Variants in PELI2 observed in about 807,000 individuals in gnomAD.
PELI2 encodes pellino E3 ubiquitin protein ligase family member 2, also known as E3 ubiquitin-protein ligase pellino homolog 2.
A neutral mutation model predicts 42.3 loss-of-function variants in PELI2; 23 were observed. The observed-to-expected ratio is 0.54, with a 90% CI of 0.39 to 0.77. PELI2 has a LOEUF of 0.77. PELI2 is among the 30% of genes least tolerant of loss of function. The pLI, the probability that PELI2 is intolerant of heterozygous loss-of-function variation, is 0.00. For missense variants in PELI2, 463 were observed against 553.2 expected, an observed-to-expected ratio of 0.84 and a Z score of 1.64; for synonymous variants, 245 against 212.2, an observed-to-expected ratio of 1.15 and a Z score of -1.34.
intron 2 of PELI2, among the ~76,000 whole-genome samples, chr14:56,251,952 T>G (rs919871286): frequency 1.3e-5 from 2 of 152,198 alleles, no homozygotes; most frequent in African/African-American, 4.8e-5. Flanking sequence ...TTCTTTTTTT[T>G]AATAGTGAAG....
intron 1 of PELI2, chr14:56,145,053 C>T (rs147060358): frequency 0.02 from 12,118 of 601,988 alleles, 150 homozygotes; most frequent in Non-Finnish European, 0.024. Context: ...GAAGAACTTC[C>T]TGAGACTAGG....
At chr14:56,242,662 C>A (rs1435708503) in intron 2 of PELI2, among the ~76,000 whole-genome samples, 1 of 152,198 alleles carries the variant, frequency 6.6e-6, no homozygotes, top group Non-Finnish European at 1.5e-5. Flanking sequence ...CCATGGAATA[C>A]TACTCAGCCA....
intron 2 of PELI2, among the ~76,000 whole-genome samples, chr14:56,265,944 A>G (rs1239566084): frequency 2.0e-5 from 3 of 152,088 alleles, no homozygotes; most frequent in Admixed American, 1.3e-4. Context: ...TGACAATTCC[A>G]AAAGTTGGCA....
Position 56,139,447 on chromosome 14 carries a change from G to T in PELI2, c.77+20710G>T, listed in dbSNP as rs545615238. ...AAAGTACCCTGAAGTTTTTTGTTGCGCTATGACAGTTCATTTCTTATTGAA... is the reference window on the plus strand; with the variant it reads ...AAAGTACCCTGAAGTTTTTTGTTGCTCTATGACAGTTCATTTCTTATTGAA... On this transcript the variant is annotated intron_variant, in intron 1 of 5. Transcript: ENST00000267460. 1.7e-3 allele frequency among the ~76,000 whole-genome samples: 259 copies of T among 152,076 alleles called. 1 individual carries two copies. The highest frequency in any genetic ancestry group is 6.2e-3 in the African/African-American group (256 of 41,502).
intron 2 of PELI2, among the ~76,000 whole-genome samples, chr14:56,224,895 C>T (rs1017098871): frequency 1.3e-5 from 2 of 152,088 alleles, no homozygotes; most frequent in Non-Finnish European, 2.9e-5. Flanking sequence ...TCTCTGGGTC[C>T]CCTCCTATTT....
intron 1 of PELI2, among the ~76,000 whole-genome samples, chr14:56,128,625 A>G (rs1883366510): frequency 6.6e-6 from 1 of 152,088 alleles, no homozygotes; most frequent in Non-Finnish European, 1.5e-5. Flanking sequence ...GTGGTAGTAA[A>G]AGCATGGCGA....
intron 2 of PELI2, among the ~76,000 whole-genome samples, chr14:56,244,842 A>G (rs1888096171): frequency 6.6e-6 from 1 of 152,240 alleles, no homozygotes; most frequent in Non-Finnish European, 1.5e-5. Context: ...GCTTAGACAG[A>G]TGGCATATTG....
At chr14:56,140,754 C>A (rs1345748379) in intron 1 of PELI2, among the ~76,000 whole-genome samples, 1 of 152,146 alleles carries the variant, frequency 6.6e-6, no homozygotes, top group Non-Finnish European at 1.5e-5. Context: ...TTTGGTTTAA[C>A]CACAAGATGG....
intron 2 of PELI2, among the ~76,000 whole-genome samples, chr14:56,203,404 A>G (rs568579783): frequency 3.9e-5 from 6 of 152,178 alleles, no homozygotes; most frequent in African/African-American, 1.4e-4. Context: ...CAAAAAAGGT[A>G]TGTTTTTTGC....
At chr14:56,289,996 T>G (rs968625052) in intron 4 of PELI2, among the ~76,000 whole-genome samples, 3 of 152,108 alleles carry the variant, frequency 2.0e-5, no homozygotes, top group Non-Finnish European at 2.9e-5. Flanking sequence ...AAAAAGAATC[T>G]TAGAGGGAGA....
chr14:56,273,382 T>TA lies in PELI2; in HGVS notation c.208-6294_208-6293insA, dbSNP rs1889171937. Among the ~76,000 whole-genome samples, 1 of 152,190 alleles carries TA rather than the reference T, an allele frequency of 6.6e-6. No homozygotes were observed. Among genetic ancestry groups the TA allele is most frequent in the Admixed American group, 6.5e-5 (1 of 15,284 alleles). On this transcript the variant is annotated intron_variant, in intron 2 of 5. Coordinates refer to ENST00000267460, the MANE Select transcript of PELI2 (RefSeq NM_021255.3). This position sits in a 1 kb window ranked among gnomAD's most constrained non-coding sequence, Gnocchi z 4.3. ...CCCATGTGTCACATCCACGGCATTC[T>TA]CTTGGTCATTGAGCAAGCTACTGAA...
chr14:56,274,823 A>G (rs2139863053), intron 2 of PELI2, among the ~76,000 whole-genome samples: 1 of 152,342 alleles, frequency 6.6e-6, no homozygotes, highest in Middle Eastern at 3.4e-3. Context: ...TGGGATTGCA[A>G]AGTAAGGCTT....
At chr14:56,283,781 CAT>C (rs1444098959) in intron 3 of PELI2, among the ~76,000 whole-genome samples, 2 of 152,224 alleles carry the variant, frequency 1.3e-5, no homozygotes, top group Admixed American at 1.3e-4. Flanking sequence ...CAAGAATTCA[CAT>C]GTTTCTTAAG....
In PELI2 at chr14:56,162,008, A is replaced by C. The variant is rs186193640; in HGVS notation, c.78-16327A>C. Among the ~76,000 whole-genome samples the C allele has an allele frequency of 3.4e-3, 523 of 152,260 alleles. 1 individual carries two copies. Among genetic ancestry groups the C allele is most frequent in the Middle Eastern group, 0.01 (3 of 294 alleles). On this transcript the variant is annotated intron_variant, in intron 1 of 5. Transcript: ENST00000267460. ...AAAAAAATTTTGGTGGGTGCACAGT[A>C]GGTGTATATATTTAGGGGTACATGA...
intron 1 of PELI2, among the ~76,000 whole-genome samples, chr14:56,141,071 C>T (rs980703005): frequency 2.0e-5 from 3 of 152,142 alleles, no homozygotes; most frequent in African/African-American, 7.2e-5. Flanking sequence ...AACCCAAAGG[C>T]TATGGCAAGG....
chr14:56,141,400 G>A (rs190263), intron 1 of PELI2, among the ~76,000 whole-genome samples: 87,517 of 151,942 alleles, frequency 0.58, 25,548 homozygotes, highest in African/African-American at 0.68. Context: ...ATGGCCAGTT[G>A]GGCAACTAAA....
intron 1 of PELI2, among the ~76,000 whole-genome samples, chr14:56,171,902 G>T (rs1250470411): frequency 1.3e-5 from 2 of 152,122 alleles, no homozygotes; most frequent in African/African-American, 2.4e-5. Context: ...TGTCGTCCCT[G>T]TTACTCGGGA....
chr14:56,125,836 T>C (rs890191637), intron 1 of PELI2, among the ~76,000 whole-genome samples: 3 of 152,124 alleles, frequency 2.0e-5, no homozygotes, highest in Non-Finnish European at 4.4e-5. Flanking sequence ...AATGCTGGGC[T>C]TCCCTTTCTG....
At chr14:56,286,776 A>G (rs1433915532) in intron 3 of PELI2, among the ~76,000 whole-genome samples, 2 of 152,034 alleles carry the variant, frequency 1.3e-5, no homozygotes, top group African/African-American at 4.8e-5. Flanking sequence ...GTTTTCCTGG[A>G]AAAAGCAACA....
Sources: allele counts gnomAD v4.1 joint callset (sites outside exome capture counted in the v4.1 genomes callset), GRCh38; gene constraint gnomAD v4.1.1; non-coding constraint Gnocchi (gnomAD v3.1); transcripts MANE v1.5; gene names NCBI Gene and HGNC (gene_info 2026-07-23, HGNC 2026-07-21).